ZNF124: variants seen among roughly 807,000 people sequenced by gnomAD.
The protein encoded by ZNF124 is zinc finger protein 124, also known as zinc finger protein HZF-16.
Under a neutral mutation model 26.6 loss-of-function variants are expected in ZNF124, and 25 were observed. That is an observed-to-expected ratio of 0.94 (90% CI 0.68 to 1.31). The LOEUF (loss-of-function observed/expected upper bound fraction) is 1.31, where lower values mean the gene tolerates loss of function less well. ZNF124 is among the 40% of genes most tolerant of loss of function. ZNF124 has a pLI of 0.00. For synonymous variants in ZNF124, 129 were observed against 133.3 expected (o/e 0.97, Z 0.22); for missense variants, 444 against 422.2 (o/e 1.05, Z -0.45).
rs1236663441 is a variant in ZNF124, at chr1:247,138,653, A to G, written c.219-14782T>C. 3.5e-5 allele frequency: 14 copies of G among 398,432 alleles called. No homozygotes were observed. In the East Asian group the frequency reaches 4.6e-4, roughly 13 times the overall value. 24.7% of individuals were successfully genotyped at this position (398,432 alleles called of 1,614,324 possible). A position where few individuals can be genotyped will look rare whatever the true frequency, so the allele number is the denominator to read the frequency against. On this transcript the variant is annotated intron_variant, in intron 3 of 3. Transcript: ENST00000472531. ...AATGAACAATTCTCCGATCAATCAC[A>G]TGGCAATTCCTTGCCCCAAGAGTGC...
chr1:247,134,946 C>T (rs76125619), intron 3 of ZNF124, among the ~76,000 whole-genome samples: 1 of 152,204 alleles, frequency 6.6e-6, no homozygotes, highest in Non-Finnish European at 1.5e-5. Context: ...AAGAAACTCA[C>T]TCCAAACCAC....
At chr1:247,133,462 G>A (rs1277055644) in intron 3 of ZNF124, among the ~76,000 whole-genome samples, 1 of 151,970 alleles carries the variant, frequency 6.6e-6, no homozygotes, top group Non-Finnish European at 1.5e-5. Context: ...TACTCCTCAA[G>A]AAGAACAACC....
downstream of ZNF124, among the ~76,000 whole-genome samples, chr1:247,153,457 G>T (rs779755285): frequency 1.1e-4 from 17 of 152,180 alleles, no homozygotes; most frequent in Non-Finnish European, 4.4e-5. Flanking sequence ...AAGTCACGGA[G>T]TGCCTTTAAC....
At chr1:247,139,551 T>C (rs1262548440) in intron 3 of ZNF124, among the ~76,000 whole-genome samples, 1 of 152,232 alleles carries the variant, frequency 6.6e-6, no homozygotes, top group African/African-American at 2.4e-5. Flanking sequence ...GTTAGCTGGT[T>C]ATTATGCTGA....
At chr1:247,159,918 C>A in intron 1 of ZNF124, 105 bp from the exon 2 acceptor site, 5 of 1,350,230 alleles carry the variant, frequency 3.7e-6, no homozygotes, top group Non-Finnish European at 4.9e-6. Flanking sequence ...AACATTTATT[C>A]TACTATTTGG....
At chr1:247,122,039 G>A (rs1016107872) in exon 4 of ZNF124, 2 of 152,244 alleles carry the variant, frequency 1.3e-5, no homozygotes, top group Non-Finnish European at 2.9e-5. Context: ...AACCAGTGAA[G>A]CATGCCATTT....
chr1:247,149,765 G>A (rs973186722), intron 3 of ZNF124: 1 of 152,198 alleles, frequency 6.6e-6, no homozygotes, highest in South Asian at 2.1e-4. Flanking sequence ...TGTACAGCAC[G>A]GGTGGCAATA....
intron 3 of ZNF124, among the ~76,000 whole-genome samples, chr1:247,143,685 G>A (rs1010984806): frequency 1.3e-5 from 2 of 152,136 alleles, no homozygotes; most frequent in African/African-American, 4.8e-5. Flanking sequence ...GAGGAAAAAG[G>A]CAAGAGTCGG....
intron 3 of ZNF124, among the ~76,000 whole-genome samples, chr1:247,145,698 G>A (rs889239694): frequency 1.1e-4 from 16 of 151,260 alleles, no homozygotes; most frequent in East Asian, 5.8e-4. Flanking sequence ...GTGCATTCTC[G>A]GCACAGTGCA....
chr1:247,133,994 T>A (rs761715787), intron 3 of ZNF124, among the ~76,000 whole-genome samples: 1 of 152,142 alleles, frequency 6.6e-6, no homozygotes, highest in African/African-American at 2.4e-5. Flanking sequence ...CAGAATTTCA[T>A]ATTCAGCCAA....
chr1:247,151,965 A>G (rs1230308058), downstream of ZNF124, among the ~76,000 whole-genome samples: 3 of 152,064 alleles, frequency 2.0e-5, no homozygotes, highest in African/African-American at 4.8e-5. Flanking sequence ...TTAGAGATCA[A>G]TATAGTGTCC....
chr1:247,127,805 CGGTTTTTTGGAGACGTGAGTCTTGCCA>C lies in ZNF124; in HGVS notation c.219-3961_219-3935del, dbSNP rs1672245933. The stretch of plus-strand genomic sequence containing the variant: ...ACAGGAATTGCTCACTTGGGGAGCT[CGGTTTTTTGGAGACGTGAGTCTTGCCA>C]AAGCTTCCGGCAGAATGAAGCCCTT... On this transcript the variant is annotated intron_variant, in intron 3 of 3. Coordinates refer to the ZNF124 transcript ENST00000472531. Among the ~76,000 whole-genome samples, 3 of 145,304 alleles carry C rather than the reference CGGTTTTTTGGAGACGTGAGTCTTGCCA, an allele frequency of 2.1e-5. No individual in the cohort carries two copies. In the South Asian group the frequency reaches 6.5e-4, roughly 32 times the overall value.
chr1:247,162,641 A>G (rs1411873361), intron 1 of ZNF124, among the ~76,000 whole-genome samples: 1 of 150,850 alleles, frequency 6.6e-6, no homozygotes, highest in East Asian at 1.9e-4. Context: ...AAAAGCAGGG[A>G]TTACTAGTCA....
At position 247,159,709 on chromosome 1, in the gene ZNF124, G is replaced by C. The variant is rs1399786374; in HGVS notation, c.135C>G (p.Thr45=). ...KNLYRDVMQE[T]FRNLASIGNK... is the part of the protein sequence containing the mutation. ...TACCTATGGAAGCCAGATTCCTGAA[G>C]GTTTCCTGCATCACGTCTCTATAGA... is the stretch of plus-strand genomic sequence containing the variant. The change falls in exon 2 of 4, where the codon ACC becomes ACG. Residue 45 remains threonine (T), a synonymous_variant. Coordinates refer to ENST00000543802, the MANE Select transcript of ZNF124 (RefSeq NM_001297568.2). 3 of 1,612,328 alleles carry C rather than the reference G, an allele frequency of 1.9e-6. No homozygotes were observed. In the East Asian group the frequency reaches 6.7e-5, roughly 36 times the overall value.
chr1:247,123,538 C>T (rs1273644381), exon 4 of ZNF124: 6 of 293,430 alleles, frequency 2.0e-5, no homozygotes, highest in South Asian at 8.5e-5. Context: ...GGATCACACA[C>T]GTATCGAACA....
intron 1 of ZNF124, among the ~76,000 whole-genome samples, chr1:247,162,161 C>T (rs1049868059): frequency 4.6e-5 from 7 of 152,134 alleles, no homozygotes; most frequent in South Asian, 2.1e-4. Context: ...CAAAAACACA[C>T]GTAAGTACAT....
At chr1:247,140,347 T>C (rs571490561) in intron 3 of ZNF124, among the ~76,000 whole-genome samples, 1 of 152,368 alleles carries the variant, frequency 6.6e-6, no homozygotes, top group South Asian at 2.1e-4. Context: ...TCAGGCTCTT[T>C]TTTATATCAG....
chr1:247,148,989 C>T (rs991190654), intron 3 of ZNF124, among the ~76,000 whole-genome samples: 26 of 151,296 alleles, frequency 1.7e-4, no homozygotes, highest in African/African-American at 6.3e-4. Flanking sequence ...AAAAAAAAAA[C>T]AAATCCCAGT....
downstream of ZNF124, among the ~76,000 whole-genome samples, chr1:247,150,859 TAAA>T (rs1226527457): frequency 2.0e-5 from 3 of 151,106 alleles, no homozygotes; most frequent in East Asian, 1.9e-4. Context: ...ATTTCTTAAA[TAAA>T]AAATATTTAA....
Sources: allele counts gnomAD v4.1 joint callset (sites outside exome capture counted in the v4.1 genomes callset), GRCh38; gene constraint gnomAD v4.1.1; transcripts MANE v1.5; gene names NCBI Gene and HGNC (gene_info 2026-07-23, HGNC 2026-07-21).